Variants in CACNA2D3 observed in about 807,000 individuals in gnomAD.
The protein encoded by CACNA2D3 is calcium voltage-gated channel auxiliary subunit alpha2delta 3.
Under a neutral mutation model 160.6 loss-of-function variants are expected in CACNA2D3, and 60 were observed. That is an observed-to-expected ratio of 0.37 (90% CI 0.30 to 0.46). The LOEUF is 0.46. CACNA2D3 is among the 20% of genes least tolerant of loss of function. The probability of loss-of-function intolerance (pLI) is 1.00; values close to 1 mark genes in which losing one functional copy is unlikely to be tolerated. For synonymous variants in CACNA2D3, 558 were observed against 492.9 expected (o/e 1.13, Z -1.75); for missense variants, 1,205 against 1,365.0 (o/e 0.88, Z 1.85).
intron 14 of CACNA2D3, among the ~76,000 whole-genome samples, chr3:54,836,628 A>G (rs1338445451): frequency 3.3e-5 from 5 of 152,088 alleles, no homozygotes; most frequent in African/African-American, 7.2e-5. Context: ...TTTTTGTTTT[A>G]TTTGTTTTCC....
At chr3:54,141,357 G>A (rs1357618178) in intron 2 of CACNA2D3, among the ~76,000 whole-genome samples, 1 of 152,140 alleles carries the variant, frequency 6.6e-6, no homozygotes, top group Non-Finnish European at 1.5e-5. Context: ...AGCTCCCTGT[G>A]TATGTATCAT....
intron 9 of CACNA2D3, among the ~76,000 whole-genome samples, chr3:54,603,161 A>G (rs1305447717): frequency 6.6e-6 from 1 of 152,210 alleles, no homozygotes; most frequent in African/African-American, 2.4e-5. Context: ...GGCAGAATCA[A>G]TTAGGAAGCT....
intron 2 of CACNA2D3, among the ~76,000 whole-genome samples, chr3:54,141,090 C>T (rs74484349): frequency 0.61 from 70,800 of 116,660 alleles, 18,520 homozygotes; most frequent in East Asian, 0.66. Context: ...TGTGTGTGCG[C>T]GCGCGCGCGT....
At chr3:54,858,977 T>C (rs1335233581) in intron 17 of CACNA2D3, among the ~76,000 whole-genome samples, 1 of 152,198 alleles carries the variant, frequency 6.6e-6, no homozygotes, top group African/African-American at 2.4e-5. Context: ...TAAAAGATAA[T>C]TAGAGGTTTG....
chr3:54,774,311 A>G (rs1489776174), intron 13 of CACNA2D3, among the ~76,000 whole-genome samples: 1 of 152,184 alleles, frequency 6.6e-6, no homozygotes, highest in Non-Finnish European at 1.5e-5. Context: ...TGTAGGAAGC[A>G]TGGCTGAGGA....
intron 35 of CACNA2D3, among the ~76,000 whole-genome samples, chr3:55,021,373 C>T (rs1703441316): frequency 6.6e-6 from 1 of 151,650 alleles, no homozygotes; most frequent in South Asian, 2.1e-4. Context: ...AATTGATCCT[C>T]CCTCTTGCTC....
At chr3:54,306,302 G>A (rs1192874860) in intron 2 of CACNA2D3, among the ~76,000 whole-genome samples, 1 of 144,294 alleles carries the variant, frequency 6.9e-6, no homozygotes, top group East Asian at 2.0e-4. Flanking sequence ...AATATTGGTA[G>A]CATTGTCATT....
chr3:54,206,447 T>C (rs1272373333), intron 2 of CACNA2D3, among the ~76,000 whole-genome samples: 4 of 152,184 alleles, frequency 2.6e-5, no homozygotes, highest in Non-Finnish European at 5.9e-5. Context: ...CTCTGTGTCC[T>C]GGGAGGAAGG....
intron 2 of CACNA2D3, among the ~76,000 whole-genome samples, chr3:54,151,710 G>A (rs980971309): frequency 6.6e-6 from 1 of 152,134 alleles, no homozygotes; most frequent in African/African-American, 2.4e-5. Flanking sequence ...CCAGCAGTTG[G>A]CATACTTATT....
At chr3:55,025,634 C>CAAAAA (rs10717273) in intron 35 of CACNA2D3, among the ~76,000 whole-genome samples, 11 of 63,270 alleles carry the variant, frequency 1.7e-4, no homozygotes, top group East Asian at 4.9e-4. Flanking sequence ...ACTCTATCTC[C>CAAAAA]AAAAAAAAAA....
At chr3:54,913,603 C>T (rs1700603293) in intron 27 of CACNA2D3, among the ~76,000 whole-genome samples, 1 of 152,106 alleles carries the variant, frequency 6.6e-6, no homozygotes, top group Non-Finnish European at 1.5e-5. Flanking sequence ...TTCAGCCGGC[C>T]TCCTGGTTTT....
At chr3:54,759,102 C>T (rs1575460937) in intron 12 of CACNA2D3, among the ~76,000 whole-genome samples, 1 of 152,104 alleles carries the variant, frequency 6.6e-6, no homozygotes, top group African/African-American at 2.4e-5. Flanking sequence ...GTATTTGTAA[C>T]CCAGAGTTCA....
chr3:54,764,615 C>T (rs1702183569), intron 13 of CACNA2D3, among the ~76,000 whole-genome samples: 1 of 152,152 alleles, frequency 6.6e-6, no homozygotes. Flanking sequence ...TTACTTCTGT[C>T]CCACTTTTTC....
In CACNA2D3 at chr3:54,609,864, C is replaced by T. The variant is rs79952885; in HGVS notation, c.964-17923C>T. On this transcript the variant is annotated intron_variant, in intron 9 of 37. Coordinates refer to ENST00000474759, the MANE Select transcript of CACNA2D3 (RefSeq NM_018398.3). Reference sequence around the variant, plus strand: ...ATGTTGTTGTGTACATTTTCTTGGACGGCCATAACAAAGTACCACAAACTT... The same window carrying T: ...ATGTTGTTGTGTACATTTTCTTGGATGGCCATAACAAAGTACCACAAACTT... Among the ~76,000 whole-genome samples, 1,454 of 152,202 alleles carry T rather than the reference C, an allele frequency of 9.6e-3. 23 individuals are homozygous for T. The highest frequency in any genetic ancestry group is 0.032 in the African/African-American group (1,335 of 41,538).
intron 2 of CACNA2D3, among the ~76,000 whole-genome samples, chr3:54,274,168 G>A (rs988535669): frequency 6.6e-6 from 1 of 151,252 alleles, no homozygotes; most frequent in African/African-American, 2.4e-5. Context: ...CAGAAACCTG[G>A]AAAATATACA....
chr3:54,806,567 T>C (rs1042850461), intron 13 of CACNA2D3, among the ~76,000 whole-genome samples: 4 of 151,822 alleles, frequency 2.6e-5, no homozygotes, highest in Non-Finnish European at 5.9e-5. Context: ...TACAAACAAA[T>C]GGAAGAAAAT....
At chr3:54,243,505 G>A (rs766190279) in intron 2 of CACNA2D3, among the ~76,000 whole-genome samples, 2 of 152,214 alleles carry the variant, frequency 1.3e-5, no homozygotes, top group Non-Finnish European at 2.9e-5. Context: ...TATTGTTCAT[G>A]TGTCTTTAAC....
At chr3:55,037,143 A>G (rs1703837881) in intron 35 of CACNA2D3, among the ~76,000 whole-genome samples, 1 of 152,200 alleles carries the variant, frequency 6.6e-6, no homozygotes, top group South Asian at 2.1e-4. Flanking sequence ...TGCATAAACT[A>G]GGAAAAAGTG....
intron 5 of CACNA2D3, among the ~76,000 whole-genome samples, chr3:54,530,821 C>T (rs1701794467): frequency 1.3e-5 from 2 of 152,232 alleles, no homozygotes; most frequent in Non-Finnish European, 2.9e-5. Flanking sequence ...AGGAAATGAA[C>T]ATCTGGGAGA....
Sources: gnomAD v4.1 joint callset for allele counts (sites outside exome capture counted in the v4.1 genomes callset) on GRCh38, gnomAD v4.1.1 for gene constraint, MANE v1.5 for transcripts, NCBI Gene and HGNC (gene_info 2026-07-23, HGNC 2026-07-21) for gene names.